ARHGAP5: variants seen among roughly 807,000 people sequenced by gnomAD.
The protein encoded by ARHGAP5 is Rho GTPase activating protein 5.
A neutral mutation model predicts 116.6 loss-of-function variants in ARHGAP5; 23 were observed. The ratio of observed to expected loss-of-function variants is 0.20; its 90% CI spans 0.14 to 0.28. The LOEUF (loss-of-function observed/expected upper bound fraction) is 0.28, where lower values mean the gene tolerates loss of function less well. Ranked by LOEUF, ARHGAP5 falls within the 10% of genes least tolerant of loss-of-function variation. The pLI is 1.00. For missense variants in ARHGAP5, 1,405 were observed against 1,774.8 expected, an observed-to-expected ratio of 0.79 and a Z score of 3.74; for synonymous variants, 574 against 602.0, an observed-to-expected ratio of 0.95 and a Z score of 0.68.
At position 32,091,933 on chromosome 14, in the gene ARHGAP5, A is replaced by C. The variant is rs1312633826; in HGVS notation, c.1264A>C (p.Ile422Leu). Residue 422 changes from isoleucine (I) to leucine (L), a missense_variant, in exon 2 of 7, where the codon ATA (isoleucine) becomes CTA (leucine). This residue lies in a region of ARHGAP5 where 944 missense variants were observed against 1,095.3 expected (regional missense o/e 0.86). Coordinates refer to ENST00000345122, the MANE Select transcript of ARHGAP5 (RefSeq NM_001030055.2). ...CTATCAGAACCATGTACAGCATCTG[A>C]TATCCGAGAAGAGGAGGGTGGAAAT... ...KVYQNHVQHL[I>L]SEKRRVEMKE... 2 of 1,613,624 alleles carry C rather than the reference A, an allele frequency of 1.2e-6. No individual in the cohort carries two copies. Among genetic ancestry groups the C allele is most frequent in the Non-Finnish European group, 1.7e-6 (2 of 1,179,708 alleles).
intron 3 of ARHGAP5, among the ~76,000 whole-genome samples, chr14:32,135,493 C>T (rs1880743075): frequency 6.6e-6 from 1 of 152,132 alleles, no homozygotes; most frequent in African/African-American, 2.4e-5. Flanking sequence ...CGTGATCTAG[C>T]CTCACTGCAA....
chr14:32,096,227 C>T (rs1437165727), intron 2 of ARHGAP5, among the ~76,000 whole-genome samples: 2 of 152,020 alleles, frequency 1.3e-5, no homozygotes, highest in African/African-American at 4.8e-5. Context: ...TTCCTAAGAA[C>T]AGAAACATTC....
intron 3 of ARHGAP5, among the ~76,000 whole-genome samples, chr14:32,126,782 TTTTTC>T (rs1880175750): frequency 6.6e-6 from 1 of 152,102 alleles, no homozygotes; most frequent in East Asian, 1.9e-4. Flanking sequence ...CATGGATTGA[TTTTTC>T]TTTTTTTGGG....
rs373950930 is a variant in ARHGAP5, at chr14:32,084,876, G to A, written c.-168-5626G>A. On this transcript the variant is annotated intron_variant, in intron 1 of 6. Coordinates refer to ENST00000345122, the MANE Select transcript of ARHGAP5 (RefSeq NM_001030055.2). ...ATTTAAAAATCACCTATGTGTGGTG[G>A]TGCACATCTGTAGTCGCAGCTGCTT... 3.8e-4 allele frequency among the ~76,000 whole-genome samples: 58 copies of A among 152,214 alleles called. 1 individual carries two copies. The highest frequency in any genetic ancestry group is 3.6e-3 in the Admixed American group (55 of 15,302).
chr14:32,113,087 T>C (rs545412019), intron 2 of ARHGAP5, among the ~76,000 whole-genome samples: 38 of 152,348 alleles, frequency 2.5e-4, no homozygotes, highest in African/African-American at 8.7e-4. Context: ...GGTTTCTAGT[T>C]ACATAAATCA....
At chr14:32,098,798 A>C (rs1594352572) in intron 2 of ARHGAP5, among the ~76,000 whole-genome samples, 1 of 152,252 alleles carries the variant, frequency 6.6e-6, no homozygotes, top group Admixed American at 6.5e-5. Context: ...GGGAGAGAGT[A>C]GTATAAGGAG....
rs561506013 is a variant in ARHGAP5, at chr14:32,128,262, C to T, written c.3865+10975C>T. Among the ~76,000 whole-genome samples, 5 of 152,318 alleles carry T rather than the reference C, an allele frequency of 3.3e-5. 1 individual carries two copies. The highest frequency in any genetic ancestry group is 1.2e-4 in the African/African-American group (5 of 41,584). On this transcript the variant is annotated intron_variant, in intron 3 of 6. Coordinates refer to ENST00000345122, the MANE Select transcript of ARHGAP5 (RefSeq NM_001030055.2). ...GATGGGTGGCCAGGCAGACGCTCCTCACTTCCTAGATGGGGTGGCGGCCGG... is the reference window on the plus strand; with the variant it reads ...GATGGGTGGCCAGGCAGACGCTCCTTACTTCCTAGATGGGGTGGCGGCCGG...
intron 3 of ARHGAP5, among the ~76,000 whole-genome samples, chr14:32,124,079 C>G (rs1413152827): frequency 6.6e-6 from 1 of 152,168 alleles, no homozygotes; most frequent in African/African-American, 2.4e-5. Flanking sequence ...TTCTAGCCTT[C>G]TCAGTCTTTC....
chr14:32,093,914 C>A lies in ARHGAP5; in HGVS notation c.3245C>A (p.Pro1082His), dbSNP rs754885570. ...KQTSRVPLAH[P>H]EDMDPSDNYA... ...ACTTCCCGGGTGCCTTTGGCACATCCTGAAGATATGGATCCTTCAGATAAC... is the reference window on the plus strand; with the variant it reads ...ACTTCCCGGGTGCCTTTGGCACATCATGAAGATATGGATCCTTCAGATAAC... Residue 1082 changes from proline (P) to histidine (H), a missense_variant, in exon 2 of 7, where the codon CCT becomes CAT. Physicochemically the swap from Pro to His is moderately conservative, Grantham distance 77 (BLOSUM62 -2). Coordinates refer to ENST00000345122, the MANE Select transcript of ARHGAP5 (RefSeq NM_001030055.2). 1 of 1,613,978 alleles carries A rather than the reference C, an allele frequency of 6.2e-7. No homozygotes were observed. The highest frequency in any genetic ancestry group is 8.5e-7 in the Non-Finnish European group (1 of 1,180,008).
intron 3 of ARHGAP5, among the ~76,000 whole-genome samples, chr14:32,124,052 G>A (rs1431593841): frequency 6.6e-6 from 1 of 151,962 alleles, no homozygotes; most frequent in East Asian, 1.9e-4. Context: ...CATCTTTTTG[G>A]TATTCTACCC....
At chr14:32,132,356 T>C (rs529787195) in intron 3 of ARHGAP5, among the ~76,000 whole-genome samples, 7 of 152,320 alleles carry the variant, frequency 4.6e-5, no homozygotes, top group Non-Finnish European at 7.4e-5. Context: ...CATTTTTACA[T>C]GTGTTTTCTG....
chr14:32,084,384 A>T (rs1245966837), intron 1 of ARHGAP5, among the ~76,000 whole-genome samples: 1 of 152,148 alleles, frequency 6.6e-6, no homozygotes, highest in South Asian at 2.1e-4. Context: ...GGGGAAAAAA[A>T]CTGGACTTTT....
chr14:32,153,212 A>T (rs888714797), intron 6 of ARHGAP5, among the ~76,000 whole-genome samples: 2 of 150,192 alleles, frequency 1.3e-5, no homozygotes, highest in African/African-American at 2.4e-5. Flanking sequence ...CTGAGAAAAT[A>T]CCATGGAAAC....
intron 3 of ARHGAP5, among the ~76,000 whole-genome samples, chr14:32,124,248 T>G (rs1452529327): frequency 6.6e-6 from 1 of 152,172 alleles, no homozygotes; most frequent in Non-Finnish European, 1.5e-5. Context: ...GAACTGTGAT[T>G]AATGTTCATG....
At chr14:32,145,496 G>A (rs181315065) in intron 3 of ARHGAP5, among the ~76,000 whole-genome samples, 3 of 152,082 alleles carry the variant, frequency 2.0e-5, no homozygotes, top group Non-Finnish European at 4.4e-5. Flanking sequence ...TTAGTTTTGG[G>A]TATGGTGGTG....
intron 2 of ARHGAP5, among the ~76,000 whole-genome samples, chr14:32,110,492 G>A (rs1879238878): frequency 6.6e-6 from 1 of 151,902 alleles, no homozygotes; most frequent in Non-Finnish European, 1.5e-5. Context: ...TAAAGGGAAC[G>A]GCCACTACAA....
chr14:32,110,505 G>T (rs950833217), intron 2 of ARHGAP5, among the ~76,000 whole-genome samples: 2 of 152,114 alleles, frequency 1.3e-5, no homozygotes, highest in Non-Finnish European at 2.9e-5. Flanking sequence ...CACTACAAAA[G>T]TGCAAGGCAG....
intron 3 of ARHGAP5, among the ~76,000 whole-genome samples, chr14:32,123,358 A>C (rs1429848744): frequency 6.6e-6 from 1 of 151,844 alleles, no homozygotes; most frequent in Non-Finnish European, 1.5e-5. Context: ...AATTGTTTAA[A>C]ACTTTTTTTT....
chr14:32,133,885 T>C lies in ARHGAP5; in HGVS notation c.3866-12378T>C, dbSNP rs984761037. ...GTTCTGTTTATATGTTGGATTACAT[T>C]TATTGATTTGCATGTATTGAACCAG... On this transcript the variant is annotated intron_variant, in intron 3 of 6. Transcript: ENST00000345122. 2.0e-5 allele frequency among the ~76,000 whole-genome samples: 3 copies of C among 152,348 alleles called. No individual in the cohort carries two copies. The East Asian group carries it at 5.8e-4, about 29-fold the overall frequency.
Sources: allele counts gnomAD v4.1 joint callset (sites outside exome capture counted in the v4.1 genomes callset), GRCh38; gene constraint gnomAD v4.1.1; regional missense constraint gnomAD v4.1.1; transcripts MANE v1.5; gene names NCBI Gene and HGNC (gene_info 2026-07-23, HGNC 2026-07-21).